The following SNTG1 variants were observed in gnomAD, a reference collection of about 807,000 sequenced individuals.
SNTG1 encodes gamma-1-syntrophin.
Under a neutral mutation model 74.7 loss-of-function variants are expected in SNTG1, and 39 were observed. The ratio of observed to expected loss-of-function variants is 0.52; its 90% CI spans 0.40 to 0.68. The LOEUF (loss-of-function observed/expected upper bound fraction) is 0.68, where lower values mean the gene tolerates loss of function less well. SNTG1 is among the 30% of genes least tolerant of loss of function. SNTG1 has a pLI of 0.00. For synonymous variants in SNTG1, 254 were observed against 217.1 expected (o/e 1.17, Z -1.49); for missense variants, 685 against 609.5 (o/e 1.12, Z -1.30).
chr8:50,489,757 G>T (rs983716494), intron 8 of SNTG1, among the ~76,000 whole-genome samples: 1 of 152,216 alleles, frequency 6.6e-6, no homozygotes, highest in Admixed American at 6.5e-5. Flanking sequence ...TTCTTTGGCT[G>T]TGGAGAAGCT....
chr8:50,152,019 C>T (rs2082085839), intron 1 of SNTG1, among the ~76,000 whole-genome samples: 1 of 152,130 alleles, frequency 6.6e-6, no homozygotes, highest in Admixed American at 6.5e-5. Context: ...GTGTTAAAGT[C>T]TCCCATTATT....
chr8:50,038,435 T>A lies in SNTG1; in HGVS notation c.-103+126204T>A, dbSNP rs569151752. ...GTGTCGTCACAAGCAACTCTATCACTCCTCTCTCCAACCCTCCTGTGCAGT... is the reference window on the plus strand; with the variant it reads ...GTGTCGTCACAAGCAACTCTATCACACCTCTCTCCAACCCTCCTGTGCAGT... On this transcript the variant is annotated intron_variant, in intron 1 of 18. Transcript: ENST00000642720. Among the ~76,000 whole-genome samples, 13 of 152,132 alleles carry A rather than the reference T, an allele frequency of 8.5e-5. No individual in the cohort carries two copies. The East Asian group carries it at 2.5e-3, about 30-fold the overall frequency.
At chr8:50,564,911 C>T (rs1049736328) in intron 12 of SNTG1, among the ~76,000 whole-genome samples, 14 of 151,958 alleles carry the variant, frequency 9.2e-5, no homozygotes, top group Admixed American at 3.3e-4. Flanking sequence ...CTTCTTCCAG[C>T]GTTAAGAAGG....
chr8:50,298,468 C>T (rs1475698026), intron 2 of SNTG1, among the ~76,000 whole-genome samples: 1 of 152,070 alleles, frequency 6.6e-6, no homozygotes, highest in African/African-American at 2.4e-5. Context: ...TCACCCCCTG[C>T]CCATGCAATG....
chr8:50,709,649 A>G (rs2095456127), intron 17 of SNTG1, among the ~76,000 whole-genome samples: 1 of 152,128 alleles, frequency 6.6e-6, no homozygotes, highest in Non-Finnish European at 1.5e-5. Flanking sequence ...GCACATTATT[A>G]TCATTATTTT....
intron 1 of SNTG1, among the ~76,000 whole-genome samples, chr8:50,155,735 C>G (rs1216129916): frequency 6.6e-6 from 1 of 151,740 alleles, no homozygotes. Flanking sequence ...AAAACATCAC[C>G]TTTCACTCTA....
intron 1 of SNTG1, among the ~76,000 whole-genome samples, chr8:50,033,455 T>C (rs1817904970): frequency 6.6e-6 from 1 of 152,182 alleles, no homozygotes; most frequent in Non-Finnish European, 1.5e-5. Context: ...ATAATTGATA[T>C]ATACCTAATG....
intron 8 of SNTG1, among the ~76,000 whole-genome samples, chr8:50,479,641 T>C (rs557595284): frequency 3.6e-4 from 55 of 152,194 alleles, no homozygotes; most frequent in Non-Finnish European, 2.9e-5. Context: ...CTGAGAGCCC[T>C]TCCTCTGCAC....
At chr8:50,533,179 G>A (rs1469116078) in intron 10 of SNTG1, among the ~76,000 whole-genome samples, 2 of 152,162 alleles carry the variant, frequency 1.3e-5, no homozygotes, top group Non-Finnish European at 2.9e-5. Flanking sequence ...CTCTAGAGAT[G>A]GAGTAGAAGA....
chr8:50,151,167 C>T lies in SNTG1; in HGVS notation c.-102-21394C>T, dbSNP rs28768730. 7.9e-3 allele frequency among the ~76,000 whole-genome samples: 1,205 copies of T among 152,214 alleles called. 16 individuals are homozygous for T. The highest frequency in any genetic ancestry group is 0.028 in the African/African-American group (1,162 of 41,550). ...TGGTGTATGTGTCCAGGAATTTATC[C>T]ATTTCTTCTAGATTTTCTAGTTTAT... On this transcript the variant is annotated intron_variant, in intron 1 of 18. Coordinates refer to ENST00000642720, the MANE Select transcript of SNTG1 (RefSeq NM_018967.5).
intron 1 of SNTG1, among the ~76,000 whole-genome samples, chr8:50,110,699 G>A (rs1000793566): frequency 1.3e-5 from 2 of 152,084 alleles, no homozygotes; most frequent in African/African-American, 4.8e-5. Flanking sequence ...AGTACACATT[G>A]TAACATTTTC....
At chr8:50,095,619 T>C (rs551449383) in intron 1 of SNTG1, among the ~76,000 whole-genome samples, 1 of 152,334 alleles carries the variant, frequency 6.6e-6, no homozygotes, top group South Asian at 2.1e-4. Context: ...AAGTTGTAGC[T>C]ATGCAGGTTA....
At position 50,536,743 on chromosome 8, in the gene SNTG1, C is replaced by A. The variant is rs2094310462; in HGVS notation, c.615C>A (p.Asp205Glu). 1.2e-6 allele frequency: 2 copies of A among 1,614,044 alleles called. No individual in the cohort carries two copies. The highest frequency in any genetic ancestry group is 1.7e-6 in the Non-Finnish European group (2 of 1,179,912). The part of the protein sequence containing the change: ...PGLRWEKRWC[D>E]LRLIPLLHSR... ...TGAGGTGGGAGAAGCGATGGTGCGA[C>A]CTCAGACTGATCCCTCTACTTCATT... Residue 205 changes from aspartate (D) to glutamate (E), a missense_variant, in exon 11 of 19, where the codon GAC (aspartate) becomes GAA (glutamate). Transcript: ENST00000642720.
intron 1 of SNTG1, among the ~76,000 whole-genome samples, chr8:50,045,534 A>G (rs1288063183): frequency 6.6e-6 from 1 of 152,138 alleles, no homozygotes; most frequent in African/African-American, 2.4e-5. Flanking sequence ...TTACAATTCA[A>G]CATAAGATTT....
chr8:49,928,218 C>A (rs1435843467), intron 1 of SNTG1, among the ~76,000 whole-genome samples: 1 of 76,210 alleles, frequency 1.3e-5, no homozygotes, highest in Non-Finnish European at 2.4e-5. Context: ...AAGATGTGTC[C>A]ATGCAGTTTT....
chr8:50,587,864 T>A (rs914715896), intron 12 of SNTG1, among the ~76,000 whole-genome samples: 1 of 142,284 alleles, frequency 7.0e-6, no homozygotes. Flanking sequence ...GTAATCCCAG[T>A]ATTTTGGGAG....
At chr8:50,509,414 C>G (rs976138759) in intron 9 of SNTG1, among the ~76,000 whole-genome samples, 51 of 152,110 alleles carry the variant, frequency 3.4e-4, no homozygotes, top group African/African-American at 1.2e-3. Flanking sequence ...TTTTTGGTTC[C>G]ACATGAACTT....
chr8:50,688,504 T>A (rs1374510201), intron 15 of SNTG1, among the ~76,000 whole-genome samples: 3 of 152,224 alleles, frequency 2.0e-5, no homozygotes, highest in African/African-American at 7.2e-5. Flanking sequence ...CACCATTTAT[T>A]AAATAGGGAA....
At chr8:50,699,142 C>T (rs1342149563) in intron 15 of SNTG1, among the ~76,000 whole-genome samples, 2 of 151,862 alleles carry the variant, frequency 1.3e-5, no homozygotes, top group Non-Finnish European at 2.9e-5. Flanking sequence ...GATCTGTACC[C>T]TGTGCTTTTT....
Sources: allele counts gnomAD v4.1 joint callset (sites outside exome capture counted in the v4.1 genomes callset), GRCh38; gene constraint gnomAD v4.1.1; transcripts MANE v1.5; gene names NCBI Gene and HGNC (gene_info 2026-07-23, HGNC 2026-07-21).